The following ANKRD28 variants were observed in gnomAD, a reference collection of about 807,000 sequenced individuals.
The protein encoded by ANKRD28 is serine/threonine-protein phosphatase 6 regulatory ankyrin repeat subunit A.
A neutral mutation model predicts 126.5 loss-of-function variants in ANKRD28; 44 were observed. The ratio of observed to expected loss-of-function variants is 0.35; its 90% CI spans 0.27 to 0.45. The LOEUF (loss-of-function observed/expected upper bound fraction) is 0.45. Among genes scored for constraint, ANKRD28 ranks in the 20% least tolerant of loss-of-function variants. The pLI is 1.00. For missense variants in ANKRD28, 1,110 were observed against 1,316.6 expected, an observed-to-expected ratio of 0.84 and a Z score of 2.43; for synonymous variants, 442 against 468.5, an observed-to-expected ratio of 0.94 and a Z score of 0.73.
At chr3:15,704,135 T>C (rs1473924367) in intron 14 of ANKRD28, among the ~76,000 whole-genome samples, 2 of 152,182 alleles carry the variant, frequency 1.3e-5, no homozygotes, top group Admixed American at 1.3e-4. Flanking sequence ...TTTATTAATA[T>C]TTCACATATT....
At chr3:15,822,887 G>A (rs2060975485) in intron 1 of ANKRD28, among the ~76,000 whole-genome samples, 1 of 152,072 alleles carries the variant, frequency 6.6e-6, no homozygotes, top group African/African-American at 2.4e-5. Context: ...CTGACAAAAA[G>A]AAGACCCACA....
chr3:15,699,650 G>C (rs973557860), intron 14 of ANKRD28, among the ~76,000 whole-genome samples: 5 of 152,152 alleles, frequency 3.3e-5, no homozygotes, highest in Non-Finnish European at 7.3e-5. Flanking sequence ...ATCATCACTG[G>C]TCATCAGAGA....
intron 2 of ANKRD28, among the ~76,000 whole-genome samples, chr3:15,775,686 CA>C (rs1365403187): frequency 6.6e-6 from 1 of 152,170 alleles, no homozygotes; most frequent in Non-Finnish European, 1.5e-5. Flanking sequence ...TACAGATGAA[CA>C]GCCAGATGAA....
intron 26 of ANKRD28, chr3:15,676,767 T>TTAATGTTATTAATGTCAATGTC: frequency 1.2e-5 from 5 of 420,876 alleles, no homozygotes; most frequent in Non-Finnish European, 1.7e-5. Context: ...GTCAATGTTA[T>TTAATGTTATTAATGTCAATGTC]AATAAAATTT....
At chr3:15,677,187 A>G (rs902806954) in intron 25 of ANKRD28, 131 bp from the exon 26 acceptor site, 2 of 730,300 alleles carry the variant, frequency 2.7e-6, no homozygotes, top group Non-Finnish European at 4.5e-6. Flanking sequence ...TTCCTGGCTA[A>G]TATCTTAATA....
chr3:15,777,274 A>C (rs1288434674), intron 2 of ANKRD28, among the ~76,000 whole-genome samples: 107 of 18,140 alleles, frequency 5.9e-3, no homozygotes, highest in Non-Finnish European at 3.0e-3. Flanking sequence ...TCCGTCTCAA[A>C]AAAAAAAAAA....
rs369199117 is a variant in ANKRD28, at chr3:15,840,312, T to TA, written c.27+19064dup. On this transcript the variant is annotated intron_variant, in intron 1 of 27. Transcript: ENST00000399451. ...CCATTTATAACAGCTACAAATAAAA[T>TA]ACCAGGAATTAACCAAAGAAATGAA... Among the ~76,000 whole-genome samples, 519 of 151,952 alleles carry TA rather than the reference T, an allele frequency of 3.4e-3. 3 individuals are homozygous for TA. The highest frequency in any genetic ancestry group is 0.012 in the African/African-American group (501 of 41,456).
chr3:15,735,273 C>T (rs1466073117), intron 6 of ANKRD28, 137 bp downstream of exon 6: 5 of 613,260 alleles, frequency 8.2e-6, no homozygotes, highest in East Asian at 3.1e-5. Context: ...CAGGGTTGTT[C>T]TACCTGGGCA....
chr3:15,772,844 G>A (rs1345496399), intron 2 of ANKRD28, among the ~76,000 whole-genome samples: 3 of 152,008 alleles, frequency 2.0e-5, no homozygotes, highest in South Asian at 2.1e-4. Context: ...ATACAACCAC[G>A]CCCAGCTAGC....
chr3:15,708,194 T>C (rs779102059), intron 13 of ANKRD28, 130 bp from the exon 14 acceptor site: 2 of 1,053,554 alleles, frequency 1.9e-6, no homozygotes, highest in Non-Finnish European at 2.7e-6. Context: ...TACCATATAC[T>C]AAGTCTTGCG....
intron 8 of ANKRD28, among the ~76,000 whole-genome samples, chr3:15,718,834 A>C (rs1400597793): frequency 6.6e-6 from 1 of 152,222 alleles, no homozygotes; most frequent in Non-Finnish European, 1.5e-5. Context: ...TGAAAATGTC[A>C]AGATTAATTC....
Position 15,791,631 on chromosome 3 carries a change from T to G in ANKRD28, c.201+3592A>C, listed in dbSNP as rs545144553. Among the ~76,000 whole-genome samples, 3 of 152,030 alleles carry G rather than the reference T, an allele frequency of 2.0e-5. No individual in the cohort carries two copies. The South Asian group carries it at 6.2e-4, about 32-fold the overall frequency. Reference sequence around the variant, plus strand: ...ATTCAAATCAAAATGCATTAAATACTTCAAACTGAATCTAATACAAGAAAA... The same window carrying G: ...ATTCAAATCAAAATGCATTAAATACGTCAAACTGAATCTAATACAAGAAAA... On this transcript the variant is annotated intron_variant, in intron 2 of 27. Coordinates refer to ENST00000683139, the MANE Select transcript of ANKRD28 (RefSeq NM_001349278.2).
intron 1 of ANKRD28, among the ~76,000 whole-genome samples, chr3:15,859,088 T>A (rs571804503): frequency 3.3e-5 from 5 of 152,036 alleles, no homozygotes; most frequent in African/African-American, 1.2e-4. Context: ...GAGGAAGCGA[T>A]TGCCCGGCAG....
chr3:15,735,613 G>A (rs942073793), intron 5 of ANKRD28, 116 bp from the exon 6 acceptor site: 2 of 722,692 alleles, frequency 2.8e-6, no homozygotes, highest in Admixed American at 2.6e-5. Flanking sequence ...TGCAGTTGCT[G>A]AACAGAAGGA....
Position 15,843,752 on chromosome 3 carries a change from C to T in ANKRD28, c.27+15625G>A, listed in dbSNP as rs2061473423. ...AAGATAGAATTAAGAGTACAGTAGG[C>T]CAGTTTGAGCCAAAAATAATAAAAA... On this transcript the variant is annotated intron_variant, in intron 1 of 27. Transcript: ENST00000399451. This position sits in a 1 kb window ranked among gnomAD's most constrained non-coding sequence, Gnocchi z 5.2. Among the ~76,000 whole-genome samples, 2 of 134,606 alleles carry T rather than the reference C, an allele frequency of 1.5e-5. No homozygotes were observed. The highest frequency in any genetic ancestry group is 3.2e-5 in the Non-Finnish European group (2 of 62,760). 88.3% of individuals were successfully genotyped at this position (134,606 alleles called of 152,430 possible).
chr3:15,819,146 C>T (rs557077807), intron 1 of ANKRD28, among the ~76,000 whole-genome samples: 3 of 152,146 alleles, frequency 2.0e-5, no homozygotes, highest in Admixed American at 1.3e-4. Flanking sequence ...GGCATGATGG[C>T]GTCCACCTGT....
At chr3:15,678,586 GATTA>G (rs555008560) in intron 23 of ANKRD28, among the ~76,000 whole-genome samples, 100 of 152,212 alleles carry the variant, frequency 6.6e-4, no homozygotes, top group Non-Finnish European at 1.1e-3. Context: ...ATGAAGTAAA[GATTA>G]ATTACAAAAT....
At chr3:15,852,916 A>C (rs2061684597) in intron 1 of ANKRD28, among the ~76,000 whole-genome samples, 1 of 152,038 alleles carries the variant, frequency 6.6e-6, no homozygotes, top group South Asian at 2.1e-4. Context: ...AATAGGCATA[A>C]TAATTCTATC....
At chr3:15,776,766 T>C (rs530235531) in intron 2 of ANKRD28, among the ~76,000 whole-genome samples, 3 of 152,298 alleles carry the variant, frequency 2.0e-5, no homozygotes, top group African/African-American at 7.2e-5. Context: ...TATTTCCTAA[T>C]TTTAAAAAAG....
Sources: gnomAD v4.1 joint callset for allele counts (sites outside exome capture counted in the v4.1 genomes callset) on GRCh38, gnomAD v4.1.1 for gene constraint, Gnocchi (gnomAD v3.1) non-coding constraint, MANE v1.5 for transcripts, NCBI Gene and HGNC (gene_info 2026-07-23, HGNC 2026-07-21) for gene names.